Variants in SMG6 observed in about 807,000 individuals in gnomAD.
The protein encoded by SMG6 is telomerase-binding protein EST1A.
SMG6 carries 66 observed loss-of-function variants against 142.2 expected under a neutral mutation model. The ratio of observed to expected loss-of-function variants is 0.46; its 90% CI spans 0.38 to 0.57. SMG6 has a LOEUF of 0.57. SMG6 is among the 20% of genes least tolerant of loss of function. The probability of loss-of-function intolerance (pLI) is 0.00; values close to 1 mark genes in which losing one functional copy is unlikely to be tolerated. For synonymous variants in SMG6, 779 were observed against 702.4 expected (o/e 1.11, Z -1.72); for missense variants, 1,793 against 1,832.0 (o/e 0.98, Z 0.39).
chr17:2,267,398 T>C (rs1439367840), intron 8 of SMG6, among the ~76,000 whole-genome samples: 1 of 151,952 alleles, frequency 6.6e-6, no homozygotes. Flanking sequence ...ATCCCTACGT[T>C]GTCAAGGCTA....
intron 10 of SMG6, among the ~76,000 whole-genome samples, chr17:2,216,992 T>C (rs1157622737): frequency 1.3e-5 from 2 of 152,164 alleles, no homozygotes; most frequent in African/African-American, 4.8e-5. Flanking sequence ...AAACAGAATC[T>C]TCCTTTATGG....
intron 15 of SMG6, among the ~76,000 whole-genome samples, chr17:2,073,166 C>T (rs1477349571): frequency 1.3e-5 from 2 of 152,030 alleles, no homozygotes; most frequent in African/African-American, 2.4e-5. Context: ...TCACTGCAAT[C>T]TCTGCCTCTC....
rs369300371 is a variant in SMG6, at chr17:2,091,973, C to T, written c.3358-6072G>A. On this transcript the variant is annotated intron_variant, in intron 13 of 18. Transcript: ENST00000263073. ...CTGGGATTACAGGCGTGAGCCACTG[C>T]GCCTGGCCCCTTTTTCTTTTTTTTT... Among the ~76,000 whole-genome samples the T allele has an allele frequency of 1.4e-3, 206 of 151,364 alleles. 1 individual carries two copies. Among genetic ancestry groups the T allele is most frequent in the African/African-American group, 4.4e-3 (182 of 41,204 alleles).
At chr17:2,161,532 T>C (rs1471242335) in intron 13 of SMG6, among the ~76,000 whole-genome samples, 1 of 151,966 alleles carries the variant, frequency 6.6e-6, no homozygotes, top group Non-Finnish European at 1.5e-5. Flanking sequence ...TTAATTACTG[T>C]TCATCTATAA....
At chr17:2,165,162 G>A (rs958491444) in intron 13 of SMG6, among the ~76,000 whole-genome samples, 9 of 152,086 alleles carry the variant, frequency 5.9e-5, no homozygotes, top group Admixed American at 5.9e-4. Context: ...CAGCAGTTCA[G>A]AGAGGTCTAA....
chr17:2,148,288 T>G (rs190819804), intron 13 of SMG6, among the ~76,000 whole-genome samples: 4 of 152,318 alleles, frequency 2.6e-5, no homozygotes, highest in Admixed American at 1.3e-4. Context: ...CCAAAAGAAT[T>G]GAAAGCAGGA....
At chr17:2,232,634 T>C (rs1449561996) in intron 10 of SMG6, 1 of 152,170 alleles carries the variant, frequency 6.6e-6, no homozygotes, top group Non-Finnish European at 1.5e-5. Context: ...GTGTGCAGTA[T>C]GAGGATTCTA....
At position 2,298,854 on chromosome 17, in the gene SMG6, A is replaced by AC. The variant is rs932429445; in HGVS notation, c.1847+51dup. 4 of 1,535,654 alleles carry AC rather than the reference A, an allele frequency of 2.6e-6. No individual in the cohort carries two copies. In the African/African-American group the frequency reaches 5.5e-5, roughly 21 times the overall value. On this transcript the variant is annotated intron_variant, in intron 2 of 18. Transcript: ENST00000263073. Reference sequence around the variant, plus strand: ...ACCTTCCTCAGCCATAGCAATCTATACACCTCCGGCTGATCCCCATTTCCC... The same window carrying AC: ...ACCTTCCTCAGCCATAGCAATCTATACCACCTCCGGCTGATCCCCATTTCCC...
In SMG6 at chr17:2,188,498, A is replaced by G; in HGVS notation, c.2887T>C (p.Cys963Arg). 1 of 1,613,776 alleles carries G rather than the reference A, an allele frequency of 6.2e-7. No individual in the cohort carries two copies. Among genetic ancestry groups the G allele is most frequent in the Non-Finnish European group, 8.5e-7 (1 of 1,179,936 alleles). The change falls in exon 11 of 19, where the codon TGC (cysteine) becomes CGC (arginine). Residue 963 changes from cysteine to arginine, a missense_variant. By Grantham distance (180) the Cys-to-Arg change is radical (BLOSUM62 -3). Around this residue, in one of 3 missense-constraint regions of SMG6, gnomAD observed 1,597 missense variants for 1,584.6 expected, o/e 1.01. Transcript: ENST00000263073. ...SQLKDCFSEECRSVIQEQAAA... is the reference protein window; with the variant it reads ...SQLKDCFSEERRSVIQEQAAA... ...GCTTGTTCCTGGATCACAGAGCGGC[A>G]CTCCTCCGAGAAGCAGTCTGCGGAC...
chr17:2,237,943 C>A (rs776985413), intron 9 of SMG6, among the ~76,000 whole-genome samples: 20 of 152,232 alleles, frequency 1.3e-4, no homozygotes, highest in Non-Finnish European at 2.8e-4. Flanking sequence ...TTGTGACATA[C>A]TTGTGGGGTT....
At chr17:2,064,201 C>T (rs187472922) in intron 18 of SMG6, among the ~76,000 whole-genome samples, 63 of 152,232 alleles carry the variant, frequency 4.1e-4, no homozygotes, top group Non-Finnish European at 7.6e-4. Context: ...TATAGGTAGA[C>T]AGAAACGAAA....
chr17:2,205,031 G>A (rs957591248), intron 10 of SMG6, among the ~76,000 whole-genome samples: 6 of 152,038 alleles, frequency 3.9e-5, no homozygotes, highest in East Asian at 1.9e-4. Context: ...TACACTTACC[G>A]AAACCAATAT....
At chr17:2,092,397 C>G (rs986068566) in intron 13 of SMG6, among the ~76,000 whole-genome samples, 4 of 152,196 alleles carry the variant, frequency 2.6e-5, no homozygotes, top group African/African-American at 7.2e-5. Flanking sequence ...CTGGTCCCAA[C>G]AGCTGTGTTT....
chr17:2,140,897 C>CA (rs2070458060), intron 13 of SMG6, among the ~76,000 whole-genome samples: 1 of 152,150 alleles, frequency 6.6e-6, no homozygotes, highest in African/African-American at 2.4e-5. Context: ...ACCTGGAGAG[C>CA]TTGTTAAATG....
intron 10 of SMG6, among the ~76,000 whole-genome samples, chr17:2,234,024 G>A (rs913537977): frequency 1.3e-5 from 2 of 152,112 alleles, no homozygotes; most frequent in African/African-American, 4.8e-5. Context: ...TGACCTCATC[G>A]AGGTGACAAT....
chr17:2,268,486 T>C (rs1282571747), intron 8 of SMG6, among the ~76,000 whole-genome samples: 1 of 151,638 alleles, frequency 6.6e-6, no homozygotes, highest in Admixed American at 6.6e-5. Flanking sequence ...CTAAAGAAAA[T>C]ATTGGGTGGG....
intron 13 of SMG6, among the ~76,000 whole-genome samples, chr17:2,139,671 T>C (rs554724225): frequency 1.3e-5 from 2 of 152,214 alleles, no homozygotes; most frequent in South Asian, 4.2e-4. Flanking sequence ...TCTGTCTGCC[T>C]TGGTTCCCAA....
chr17:2,223,739 T>C (rs1472893870), intron 10 of SMG6, among the ~76,000 whole-genome samples: 1 of 152,194 alleles, frequency 6.6e-6, no homozygotes, highest in Non-Finnish European at 1.5e-5. Context: ...TGATATTCTA[T>C]ACACTGGACA....
chr17:2,195,533 C>T (rs1050949561), intron 10 of SMG6, among the ~76,000 whole-genome samples: 21 of 152,338 alleles, frequency 1.4e-4, no homozygotes, highest in African/African-American at 5.1e-4. Context: ...GACTTCACAT[C>T]CTTGGAAATC....
Sources: gnomAD v4.1 joint callset for allele counts (sites outside exome capture counted in the v4.1 genomes callset) on GRCh38, gnomAD v4.1.1 for gene constraint, gnomAD v4.1.1 regional missense constraint, MANE v1.5 for transcripts, NCBI Gene and HGNC (gene_info 2026-07-23, HGNC 2026-07-21) for gene names.